Variants in NLRP7 observed in about 807,000 individuals in gnomAD.
The protein encoded by NLRP7 is NLR family pyrin domain containing 7, also known as NACHT, LRR and PYD domains-containing protein 7.
In NLRP7, 72 loss-of-function variants were observed where a neutral mutation model predicts 85.5. That is an observed-to-expected ratio of 0.84 (90% CI 0.70 to 1.02). The LOEUF (loss-of-function observed/expected upper bound fraction) is 1.02, where lower values mean the gene tolerates loss of function less well. NLRP7 is among the 50% of genes least tolerant of loss of function. NLRP7 has a pLI of 0.00. For synonymous variants in NLRP7, 550 were observed against 505.2 expected (o/e 1.09, Z -1.19); for missense variants, 1,243 against 1,219.5 (o/e 1.02, Z -0.29).
At chr19:54,965,527 C>G (rs1345735255) in intron 1 of NLRP7, 1 of 97,486 alleles carries the variant, frequency 1.0e-5, no homozygotes, top group Non-Finnish European at 2.2e-5. Context: ...GCGATCTCTG[C>G]TCACTGCAAG....
intron 1 of NLRP7, among the ~76,000 whole-genome samples, chr19:54,960,847 G>A (rs1048438159): frequency 3.1e-4 from 46 of 150,174 alleles, no homozygotes; most frequent in Non-Finnish European, 5.3e-4. Flanking sequence ...CGCTTGCCTC[G>A]GCCTCCCAAA....
chr19:54,939,912 G>C, exon 4 of NLRP7: 2 of 1,614,128 alleles, frequency 1.2e-6, no homozygotes, highest in Non-Finnish European at 1.7e-6. Context: ...AGTGCCCTGG[G>C]CCGCGTGGTG....
intron 1 of NLRP7, among the ~76,000 whole-genome samples, chr19:54,954,249 C>A (rs967010794): frequency 2.0e-5 from 3 of 148,126 alleles, no homozygotes; most frequent in African/African-American, 7.5e-5. Context: ...GGCAACCGGC[C>A]GGGCGCGGTG....
At chr19:54,928,872 G>A (rs938889912) in intron 9 of NLRP7, among the ~76,000 whole-genome samples, 22 of 151,730 alleles carry the variant, frequency 1.4e-4, no homozygotes, top group Admixed American at 1.3e-3. Flanking sequence ...GCGTGATCTC[G>A]GCTCACTGCA....
rs765533116 is a variant in NLRP7, at chr19:54,934,666, A to G, written c.2301-7T>C. On this transcript the variant is annotated splice_region_variant and splice_polypyrimidine_tract_variant and intron_variant, in intron 6 of 9. Transcript: ENST00000340844. This position sits in a 1 kb window ranked among gnomAD's most constrained non-coding sequence, Gnocchi z 6.7. ...GGCACAGTGACCTCCCAACCTGTGA[A>G]AAGAGTGGGAAAAGTCATTCTTCTG... is the stretch of plus-strand genomic sequence containing the variant. 150 of 1,611,068 alleles carry G rather than the reference A, an allele frequency of 9.3e-5. No individual in the cohort carries two copies. The highest frequency in any genetic ancestry group is 1.2e-4 in the Non-Finnish European group (138 of 1,178,710).
intron 6 of NLRP7, among the ~76,000 whole-genome samples, chr19:54,935,418 A>G (rs1221455532): frequency 2.0e-5 from 3 of 152,090 alleles, no homozygotes; most frequent in Admixed American, 1.3e-4. Flanking sequence ...TATCCTGGCC[A>G]GGCGCAGTGG....
At chr19:54,955,057 G>T (rs1376893050) in intron 1 of NLRP7, among the ~76,000 whole-genome samples, 3 of 152,136 alleles carry the variant, frequency 2.0e-5, no homozygotes, top group Non-Finnish European at 4.4e-5. Flanking sequence ...GCCGGGCGCG[G>T]TGGCTCACGC....
rs1484021676 is a variant in NLRP7, at chr19:54,940,840, AC to A, written c.352+90del. On this transcript the variant is annotated intron_variant, in intron 3 of 9. Transcript: ENST00000340844. ...AGATTCCGTCTCAAAAAAAAAAAAA[AC>A]TACCAGAAATGAATAAAACCAGGAA... 2.7e-5 allele frequency: 24 copies of A among 881,384 alleles called. No homozygotes were observed. The East Asian group carries it at 3.6e-4, about 13-fold the overall frequency. The allele number at this position is 881,384 out of a possible 1,614,324, so 54.6% of individuals were successfully genotyped here. A position where few individuals can be genotyped will look rare whatever the true frequency, so the allele number is the denominator to read the frequency against.
At chr19:54,932,927 T>C (rs2068738433) in intron 8 of NLRP7, among the ~76,000 whole-genome samples, 1 of 151,818 alleles carries the variant, frequency 6.6e-6, no homozygotes, top group Non-Finnish European at 1.5e-5. Context: ...CAATAACCTA[T>C]GGAAATAAAA....
intron 8 of NLRP7, among the ~76,000 whole-genome samples, chr19:54,931,349 G>A (rs1403219911): frequency 6.6e-6 from 1 of 152,132 alleles, no homozygotes; most frequent in Non-Finnish European, 1.5e-5. Flanking sequence ...ACAAGATCAG[G>A]AGTTCAAGAC....
rs1007133621 is a variant in NLRP7, at chr19:54,963,544, C to T, written c.-77+2496G>A. 1.8e-4 allele frequency among the ~76,000 whole-genome samples: 28 copies of T among 151,616 alleles called. 1 individual carries two copies. Among genetic ancestry groups the T allele is most frequent in the African/African-American group, 6.1e-4 (25 of 41,304 alleles). The stretch of plus-strand genomic sequence containing the variant: ...CTCTACTAAAAATACAAAAAAAAGG[C>T]TAGGCGCAGTGGCTCATGCCTGTAA... On this transcript the variant is annotated intron_variant, in intron 1 of 2. Coordinates refer to the NLRP7 transcript ENST00000587103.
chr19:54,933,171 A>C (rs1336115875), intron 8 of NLRP7, among the ~76,000 whole-genome samples: 2 of 151,850 alleles, frequency 1.3e-5, no homozygotes, highest in Non-Finnish European at 2.9e-5. Context: ...TTTGAGAAGG[A>C]GTCTTGTTCT....
upstream of NLRP7, among the ~76,000 whole-genome samples, chr19:54,949,979 G>C (rs2069616467): frequency 6.6e-6 from 1 of 152,078 alleles, no homozygotes; most frequent in Non-Finnish European, 1.5e-5. Flanking sequence ...GAGTGCACCT[G>C]TAGACCCAGC....
At chr19:54,963,892 T>C (rs1414768495) in intron 1 of NLRP7, among the ~76,000 whole-genome samples, 1 of 151,082 alleles carries the variant, frequency 6.6e-6, no homozygotes, top group East Asian at 2.0e-4. Context: ...TTTTTCTTTT[T>C]TTTTTTGAGA....
chr19:54,926,205 G>GGTGTGTGTGTGT (rs138774910), intron 9 of NLRP7, among the ~76,000 whole-genome samples: 2,947 of 143,682 alleles, frequency 0.021, 63 homozygotes, highest in African/African-American at 0.053. Context: ...AATGATTAGG[G>GGTGTGTGTGTGT]GTGTGTGTGT....
At chr19:54,951,076 C>T (rs942437073), upstream of NLRP7, among the ~76,000 whole-genome samples, 1 of 152,180 alleles carries the variant, frequency 6.6e-6, no homozygotes, top group Non-Finnish European at 1.5e-5. Context: ...CCATTTAACC[C>T]TGAGTGGACA....
chr19:54,946,052 T>C (rs1431145413), intron 1 of NLRP7, among the ~76,000 whole-genome samples: 1 of 150,160 alleles, frequency 6.7e-6, no homozygotes, highest in Non-Finnish European at 1.5e-5. Flanking sequence ...CGGCCTCCCA[T>C]AGTGCTGGGA....
In NLRP7 at chr19:54,938,883, C is replaced by A; in HGVS notation, c.1931+5G>T. On this transcript the variant is annotated splice_donor_5th_base_variant and intron_variant, in intron 4 of 9. Transcript: ENST00000340844. ...TGGAGCGTGGGATGGGAAAACAGTT[C>A]TTACCTTTCAAATTCAATGTCCAGT... The A allele has an allele frequency of 3.1e-6, 5 of 1,614,002 alleles. No homozygotes were observed. The highest frequency in any genetic ancestry group is 4.2e-6 in the Non-Finnish European group (5 of 1,180,004).
chr19:54,946,892 G>A (rs1250430510), intron 1 of NLRP7, among the ~76,000 whole-genome samples: 1 of 152,072 alleles, frequency 6.6e-6, no homozygotes, highest in South Asian at 2.1e-4. Flanking sequence ...CACCCGCCTC[G>A]GCCTCCCAAA....
Sources: allele counts gnomAD v4.1 joint callset (sites outside exome capture counted in the v4.1 genomes callset), GRCh38; gene constraint gnomAD v4.1.1; non-coding constraint Gnocchi (gnomAD v3.1); transcripts MANE v1.5; gene names NCBI Gene and HGNC (gene_info 2026-07-23, HGNC 2026-07-21).